Variants in ITGB3 observed in about 807,000 individuals in gnomAD.
The protein encoded by ITGB3 is integrin beta-3.
ITGB3 carries 48 observed loss-of-function variants against 85.8 expected under a neutral mutation model. The ratio of observed to expected loss-of-function variants is 0.56; its 90% CI spans 0.44 to 0.71. The LOEUF (loss-of-function observed/expected upper bound fraction) is 0.71, where lower values mean the gene tolerates loss of function less well. Among genes scored for constraint, ITGB3 ranks in the 30% least tolerant of loss-of-function variants. ITGB3 has a pLI of 0.00. For synonymous variants in ITGB3, 363 were observed against 395.6 expected (o/e 0.92, Z 0.98); for missense variants, 861 against 1,019.1 (o/e 0.84, Z 2.11).
intron 4 of ITGB3, among the ~76,000 whole-genome samples, chr17:47,285,484 G>A (rs764006646): frequency 3.9e-5 from 6 of 152,040 alleles, no homozygotes; most frequent in Admixed American, 6.6e-5. Context: ...GTGTGATGGC[G>A]CATGCCTGCA....
At chr17:47,267,314 A>C (rs747692217) in intron 1 of ITGB3, among the ~76,000 whole-genome samples, 5 of 152,132 alleles carry the variant, frequency 3.3e-5, no homozygotes, top group Admixed American at 6.5e-5. Context: ...CATTATGGTG[A>C]AGATTCCCAC....
At chr17:47,306,924 C>G (rs1430855273) in intron 13 of ITGB3, among the ~76,000 whole-genome samples, 13 of 152,238 alleles carry the variant, frequency 8.5e-5, no homozygotes, top group African/African-American at 3.1e-4. Context: ...AGGTGCTCTG[C>G]CCACCTTGGC....
chr17:47,300,354 T>C (rs1055372700), intron 11 of ITGB3, 124 bp from the exon 12 acceptor site: 7 of 736,716 alleles, frequency 9.5e-6, no homozygotes, highest in African/African-American at 7.2e-5. Context: ...CGCGTGTGTG[T>C]GTGTGTGTGT....
intron 1 of ITGB3, among the ~76,000 whole-genome samples, chr17:47,259,775 T>C (rs2065002849): frequency 6.6e-6 from 1 of 152,170 alleles, no homozygotes; most frequent in East Asian, 1.9e-4. Context: ...GGCATGCGTC[T>C]GTAATCCCAG....
At chr17:47,300,346 C>CACGT (rs1555573423) in intron 11 of ITGB3, 132 bp from the exon 12 acceptor site, 35 of 619,732 alleles carry the variant, frequency 5.6e-5, no homozygotes, top group Non-Finnish European at 7.8e-5. Flanking sequence ...CGCGCGCGCG[C>CACGT]GTGTGTGTGT....
intron 14 of ITGB3, among the ~76,000 whole-genome samples, chr17:47,308,899 G>A (rs2065201245): frequency 6.6e-6 from 1 of 151,980 alleles, no homozygotes; most frequent in Non-Finnish European, 1.5e-5. Context: ...CTGATAACAT[G>A]ACAGTTTGTG....
At chr17:47,300,348 T>TGC in intron 11 of ITGB3, 130 bp from the exon 12 acceptor site, 6 of 403,418 alleles carry the variant, frequency 1.5e-5, no homozygotes, top group Non-Finnish European at 1.8e-5. Context: ...CGCGCGCGCG[T>TGC]GTGTGTGTGT....
In ITGB3 at chr17:47,312,784, G is replaced by T. The variant is rs549212649; in HGVS notation, c.*2580G>T. On this transcript the variant is annotated 3_prime_UTR_variant, in exon 15 of 15. Transcript: ENST00000559488. ...GTAGCAAATAGCAGTTTTGGCCTGT[G>T]GGGTGAACAGCTAAACAGTGTTCTG... Among the ~76,000 whole-genome samples, 9 of 152,290 alleles carry T rather than the reference G, an allele frequency of 5.9e-5. No individual in the cohort carries two copies. The South Asian group carries it at 1.9e-3, about 32-fold the overall frequency.
chr17:47,255,968 AAAATAAATAAAT>A (rs574713478), intron 1 of ITGB3, among the ~76,000 whole-genome samples: 4 of 150,858 alleles, frequency 2.7e-5, no homozygotes, highest in Non-Finnish European at 3.0e-5. Flanking sequence ...CAACTCAGTA[AAAATAAATAAAT>A]AAATAAATAA....
chr17:47,260,550 A>G (rs2065005468), intron 1 of ITGB3, among the ~76,000 whole-genome samples: 1 of 152,206 alleles, frequency 6.6e-6, no homozygotes, highest in African/African-American at 2.4e-5. Flanking sequence ...GCTAATGGAA[A>G]TTTTGGATAG....
intron 11 of ITGB3, among the ~76,000 whole-genome samples, chr17:47,300,211 G>A (rs12603582): frequency 1.3e-5 from 2 of 152,130 alleles, no homozygotes; most frequent in South Asian, 4.1e-4. Context: ...GCCCTGGATG[G>A]GACGGGAAGT....
chr17:47,266,807 A>G (rs1225202905), intron 1 of ITGB3, among the ~76,000 whole-genome samples: 1 of 152,050 alleles, frequency 6.6e-6, no homozygotes, highest in Non-Finnish European at 1.5e-5. Context: ...GTCGCCAACT[A>G]CTGGGCTCAA....
intron 10 of ITGB3, among the ~76,000 whole-genome samples, chr17:47,298,128 T>G (rs941227275): frequency 6.6e-6 from 1 of 152,034 alleles, no homozygotes; most frequent in Non-Finnish European, 1.5e-5. Context: ...AATAATTAAT[T>G]AATTAAAAAA....
chr17:47,302,985 C>T, intron 13 of ITGB3, 145 bp downstream of exon 13: 1 of 930,118 alleles, frequency 1.1e-6, no homozygotes, highest in Non-Finnish European at 1.7e-6. Context: ...TGGTGGTTAA[C>T]ACCTGTAATC....
chr17:47,294,186 A>G (rs1333559259), intron 10 of ITGB3, among the ~76,000 whole-genome samples: 2 of 152,232 alleles, frequency 1.3e-5, no homozygotes, highest in African/African-American at 2.4e-5. Context: ...AACCATTTGA[A>G]TTAGGGGGTG....
chr17:47,291,790 GATAATTATA>G (rs763196693), intron 9 of ITGB3, among the ~76,000 whole-genome samples: 22 of 152,348 alleles, frequency 1.4e-4, no homozygotes, highest in Non-Finnish European at 2.6e-4. Context: ...GCATCTTGCT[GATAATTATA>G]ATCAGGCCAA....
chr17:47,264,423 C>T (rs919233600), intron 1 of ITGB3, among the ~76,000 whole-genome samples: 1 of 152,230 alleles, frequency 6.6e-6, no homozygotes, highest in African/African-American at 2.4e-5. Context: ...TCCAAATCCA[C>T]TGCCATCTGT....
chr17:47,312,707 G>C lies in ITGB3; in HGVS notation c.*2503G>C, dbSNP rs766754405. Among the ~76,000 whole-genome samples, 13 of 152,174 alleles carry C rather than the reference G, an allele frequency of 8.5e-5. No individual in the cohort carries two copies. The highest frequency in any genetic ancestry group is 1.8e-4 in the Non-Finnish European group (12 of 68,020). On this transcript the variant is annotated 3_prime_UTR_variant, in exon 15 of 15. Transcript: ENST00000559488. ...TGGAATGAAGTTCACAGGTCTTGAA[G>C]ACCAATATTATTTGTCAATATGTGG...
At chr17:47,286,118 C>A in intron 4 of ITGB3, 142 bp from the exon 5 acceptor site, 1 of 921,472 alleles carries the variant, frequency 1.1e-6, no homozygotes, top group Non-Finnish European at 1.8e-6. Context: ...ATTTTGGAGT[C>A]TGAACTGTCT....
Sources: allele counts gnomAD v4.1 joint callset (sites outside exome capture counted in the v4.1 genomes callset), GRCh38; gene constraint gnomAD v4.1.1; transcripts MANE v1.5; gene names NCBI Gene and HGNC (gene_info 2026-07-23, HGNC 2026-07-21).